The following TANC2 variants were observed in gnomAD, a reference collection of about 807,000 sequenced individuals.
TANC2 encodes tetratricopeptide repeat, ankyrin repeat and coiled-coil containing 2.
A neutral mutation model predicts 210.5 loss-of-function variants in TANC2; 26 were observed. That is an observed-to-expected ratio of 0.12 (90% CI 0.09 to 0.17). The LOEUF is 0.17. TANC2 is among the 10% of genes least tolerant of loss of function. The pLI, the probability that TANC2 is intolerant of heterozygous loss-of-function variation, is 1.00. For synonymous variants in TANC2, 931 were observed against 967.1 expected (o/e 0.96, Z 0.69); for missense variants, 2,129 against 2,608.9 (o/e 0.82, Z 4.01).
intron 3 of TANC2, among the ~76,000 whole-genome samples, chr17:63,097,354 T>C (rs573368686): frequency 2.6e-5 from 4 of 152,244 alleles, no homozygotes; most frequent in Admixed American, 6.5e-5. Context: ...GCTTTGCCCA[T>C]TTTTAAATTG....
At chr17:63,218,412 C>G (rs1400372954) in intron 7 of TANC2, among the ~76,000 whole-genome samples, 1 of 152,030 alleles carries the variant, frequency 6.6e-6, no homozygotes, top group African/African-American at 2.4e-5. Context: ...AAATCATGAA[C>G]AAGACAGATT....
chr17:63,351,173 A>G, intron 12 of TANC2, 77 bp from the exon 13 acceptor site: 1 of 1,290,576 alleles, frequency 7.7e-7, no homozygotes, highest in Non-Finnish European at 1.1e-6. Flanking sequence ...TTCCAAAGAA[A>G]TATGTGATCA....
At chr17:63,250,858 G>A (rs933132834) in intron 8 of TANC2, among the ~76,000 whole-genome samples, 1 of 152,146 alleles carries the variant, frequency 6.6e-6, no homozygotes, top group Non-Finnish European at 1.5e-5. Context: ...AGAAGGTGGT[G>A]TATGCTATGG....
intron 25 of TANC2, among the ~76,000 whole-genome samples, chr17:63,413,843 A>G (rs565119820): frequency 3.9e-5 from 6 of 152,256 alleles, no homozygotes; most frequent in Non-Finnish European, 8.8e-5. Flanking sequence ...CAGCTGATCA[A>G]TCTAAAGCCC....
chr17:63,350,969 A>G (rs974828931), intron 12 of TANC2, among the ~76,000 whole-genome samples: 12 of 152,052 alleles, frequency 7.9e-5, no homozygotes, highest in African/African-American at 2.2e-4. Context: ...CTTAACTCCA[A>G]TACTCAGGCT....
intron 17 of TANC2, among the ~76,000 whole-genome samples, chr17:63,394,736 CT>C (rs1263845648): frequency 6.6e-6 from 1 of 152,210 alleles, no homozygotes; most frequent in Non-Finnish European, 1.5e-5. Flanking sequence ...AGGAATTAAT[CT>C]TTCCTTCCTC....
chr17:63,098,807 ATT>A (rs2037510798), intron 3 of TANC2, among the ~76,000 whole-genome samples: 1 of 151,978 alleles, frequency 6.6e-6, no homozygotes, highest in Non-Finnish European at 1.5e-5. Context: ...CCTACTAGCA[ATT>A]GCACACGATG....
At chr17:63,195,988 A>G (rs2041333805) in intron 6 of TANC2, among the ~76,000 whole-genome samples, 2 of 152,146 alleles carry the variant, frequency 1.3e-5, no homozygotes, top group Admixed American at 1.3e-4. Context: ...TTCTTCCCCC[A>G]TAACTCACTT....
intron 1 of TANC2, among the ~76,000 whole-genome samples, chr17:63,005,620 GT>G (rs571308691): frequency 1.5e-4 from 23 of 150,760 alleles, no homozygotes; most frequent in African/African-American, 2.7e-4. Context: ...GTCTTTAATG[GT>G]TTTTTTTTGT....
chr17:63,051,516 G>A (rs1244455244), intron 2 of TANC2, among the ~76,000 whole-genome samples: 1 of 151,960 alleles, frequency 6.6e-6, no homozygotes, highest in African/African-American at 2.4e-5. Context: ...GGATACATGT[G>A]GATCTCACTT....
chr17:63,040,667 G>A (rs2035151485), intron 2 of TANC2, among the ~76,000 whole-genome samples: 7 of 152,094 alleles, frequency 4.6e-5, no homozygotes, highest in Admixed American at 3.3e-4. Context: ...GAATATTTGA[G>A]TTGCTGTATT....
chr17:63,142,754 A>G (rs1326485672), intron 4 of TANC2, among the ~76,000 whole-genome samples: 3 of 152,206 alleles, frequency 2.0e-5, no homozygotes, highest in Admixed American at 1.3e-4. Context: ...AAACTTTAAA[A>G]AAAGATAAAT....
chr17:63,317,934 A>G (rs1347074561), intron 10 of TANC2, among the ~76,000 whole-genome samples: 1 of 151,998 alleles, frequency 6.6e-6, no homozygotes, highest in Admixed American at 6.5e-5. Flanking sequence ...AGCAGAAATA[A>G]TGCAGAAATA....
chr17:63,416,663 C>T (rs529907751), intron 26 of TANC2, among the ~76,000 whole-genome samples: 1 of 152,058 alleles, frequency 6.6e-6, no homozygotes, highest in African/African-American at 2.4e-5. Flanking sequence ...TCAGAGAACA[C>T]AGCCATGACC....
At chr17:63,175,531 G>C (rs8081229) in intron 5 of TANC2, among the ~76,000 whole-genome samples, 73,350 of 118,810 alleles carry the variant, frequency 0.62, 22,129 homozygotes, top group African/African-American at 0.83. Context: ...TGTCTCCCCC[G>C]CCAAAAAAAA....
chr17:63,076,781 AT>A (rs1298501854), intron 3 of TANC2, among the ~76,000 whole-genome samples: 3 of 152,188 alleles, frequency 2.0e-5, no homozygotes, highest in African/African-American at 7.2e-5. Context: ...AGGCATTGAA[AT>A]TCTGATAGTA....
At chr17:63,393,851 A>G (rs536142446) in intron 17 of TANC2, among the ~76,000 whole-genome samples, 3 of 151,664 alleles carry the variant, frequency 2.0e-5, no homozygotes, top group East Asian at 1.9e-4. Flanking sequence ...GCTCACTGCA[A>G]TCTCCGCCTC....
chr17:63,246,437 A>G (rs747945262), intron 8 of TANC2, among the ~76,000 whole-genome samples: 9 of 152,240 alleles, frequency 5.9e-5, no homozygotes, highest in Middle Eastern at 3.4e-3. Context: ...GGACATTTTC[A>G]TTACCTCAGA....
rs762313677 is a variant in TANC2, at chr17:63,355,357, A to G, written c.2549A>G (p.Glu850Gly). The change falls in exon 14 of 28, where the codon GAA becomes GGA. Residue 850 changes from glutamate to glycine, a missense_variant. Physicochemically the swap from Glu to Gly is moderately conservative, Grantham distance 98 (BLOSUM62 -2). This residue lies in a region of TANC2 where 644 missense variants were observed against 937.5 expected (regional missense o/e 0.69). Coordinates refer to ENST00000689528, the Ensembl canonical transcript of TANC2. ...CGAGAATGGCTTATCTGGAGAGAAG[A>G]AGGAGAGAAAACCAAATTTCTCTGT... is the stretch of plus-strand genomic sequence containing the variant. 1.1e-5 allele frequency: 17 copies of G among 1,593,658 alleles called. No homozygotes were observed. The highest frequency in any genetic ancestry group is 1.8e-5 in the Admixed American group (1 of 56,924).
Sources: gnomAD v4.1 joint callset for allele counts (sites outside exome capture counted in the v4.1 genomes callset) on GRCh38, gnomAD v4.1.1 for gene constraint, gnomAD v4.1.1 regional missense constraint, MANE v1.5 for transcripts, NCBI Gene and HGNC (gene_info 2026-07-23, HGNC 2026-07-21) for gene names.